Variants in CSMD1 observed in about 807,000 individuals in gnomAD.
CSMD1 encodes the protein CUB and sushi domain-containing protein 1.
Under a neutral mutation model 417.5 loss-of-function variants are expected in CSMD1, and 213 were observed. That is an observed-to-expected ratio of 0.51 (90% confidence interval 0.46 to 0.57). CSMD1 has a LOEUF of 0.57. Among genes scored for constraint, CSMD1 ranks in the 20% least tolerant of loss-of-function variants. CSMD1 has a pLI of 0.00. For missense variants in CSMD1, 6,923 were observed against 4,529.7 expected, an observed-to-expected ratio of 1.53 and a Z score of -15.17; for synonymous variants, 2,862 against 1,736.8, an observed-to-expected ratio of 1.65 and a Z score of -16.11.
chr8:3,717,507 G>A (rs1261263249), intron 6 of CSMD1, among the ~76,000 whole-genome samples: 3 of 152,110 alleles, frequency 2.0e-5, no homozygotes, highest in Non-Finnish European at 2.9e-5. Flanking sequence ...GCTAAAAACA[G>A]GGTCCTTGTC....
intron 3 of CSMD1, among the ~76,000 whole-genome samples, chr8:4,248,753 T>G (rs1432013615): frequency 6.6e-6 from 1 of 152,136 alleles, no homozygotes; most frequent in African/African-American, 2.4e-5. Context: ...TACATTACAC[T>G]TATTAAGCGC....
chr8:4,965,536 C>T (rs1156597980), intron 1 of CSMD1, among the ~76,000 whole-genome samples: 1 of 152,184 alleles, frequency 6.6e-6, no homozygotes, highest in Non-Finnish European at 1.5e-5. Context: ...TGGCCCTGGC[C>T]AAACTGTTTA....
chr8:3,342,851 G>T (rs1298251929), intron 23 of CSMD1, among the ~76,000 whole-genome samples: 1 of 140,326 alleles, frequency 7.1e-6, no homozygotes, highest in Non-Finnish European at 1.6e-5. Flanking sequence ...TGTTGTGTGT[G>T]TGTGTGCTTA....
intron 9 of CSMD1, among the ~76,000 whole-genome samples, chr8:3,582,550 T>C (rs1459933535): frequency 6.6e-6 from 1 of 152,114 alleles, no homozygotes; most frequent in Non-Finnish European, 1.5e-5. Flanking sequence ...AGGAAGAAAA[T>C]CATAACTGTA....
intron 3 of CSMD1, among the ~76,000 whole-genome samples, chr8:4,357,627 A>G (rs7006510): frequency 0.029 from 4,415 of 152,268 alleles, 220 homozygotes; most frequent in African/African-American, 0.1. Flanking sequence ...ATGCTTAAAT[A>G]AATACAATAT....
intron 3 of CSMD1, among the ~76,000 whole-genome samples, chr8:4,196,163 A>G (rs903277240): frequency 1.3e-5 from 2 of 152,166 alleles, no homozygotes; most frequent in African/African-American, 2.4e-5. Flanking sequence ...GGGAGCCGAG[A>G]TCGCGCCACT....
At chr8:4,390,500 T>TTTTATTTATTTA (rs1554457295) in intron 3 of CSMD1, among the ~76,000 whole-genome samples, 2 of 61,490 alleles carry the variant, frequency 3.3e-5, no homozygotes, top group African/African-American at 1.8e-4. Context: ...CGTCCATTTT[T>TTTTATTTATTTA]ATTTATTTAT....
chr8:3,846,205 A>G (rs1803492113), intron 5 of CSMD1, among the ~76,000 whole-genome samples: 1 of 152,206 alleles, frequency 6.6e-6, no homozygotes, highest in African/African-American at 2.4e-5. Context: ...ATAACACACT[A>G]TACGTTTGTT....
At chr8:4,885,849 G>T (rs1230476671) in intron 1 of CSMD1, among the ~76,000 whole-genome samples, 1 of 151,786 alleles carries the variant, frequency 6.6e-6, no homozygotes, top group Admixed American at 6.6e-5. Context: ...TTGTGTTTTT[G>T]CTCTTATCTG....
intron 10 of CSMD1, among the ~76,000 whole-genome samples, chr8:3,552,826 ATAATT>A (rs1367317185): frequency 6.6e-6 from 1 of 152,170 alleles, no homozygotes; most frequent in African/African-American, 2.4e-5. Context: ...TTAAAATTGT[ATAATT>A]TATATTCTTT....
intron 11 of CSMD1, among the ~76,000 whole-genome samples, chr8:3,483,761 T>C (rs572654951): frequency 3.9e-5 from 6 of 152,120 alleles, no homozygotes; most frequent in African/African-American, 1.4e-4. Context: ...GAAAACTGAA[T>C]GCAACAATGT....
At chr8:3,064,947 A>G (rs1473324480) in intron 49 of CSMD1, among the ~76,000 whole-genome samples, 1 of 152,154 alleles carries the variant, frequency 6.6e-6, no homozygotes, top group Non-Finnish European at 1.5e-5. Context: ...AAATTAGAGA[A>G]CAAAACTTTG....
At chr8:4,229,255 G>T (rs909110378) in intron 3 of CSMD1, among the ~76,000 whole-genome samples, 3 of 152,156 alleles carry the variant, frequency 2.0e-5, no homozygotes, top group Non-Finnish European at 4.4e-5. Flanking sequence ...AAAAGACGCT[G>T]AGATGCTGAG....
At chr8:4,458,818 A>G (rs1799640139) in intron 2 of CSMD1, among the ~76,000 whole-genome samples, 1 of 152,206 alleles carries the variant, frequency 6.6e-6, no homozygotes, top group African/African-American at 2.4e-5. Context: ...CTTTTCAATT[A>G]GATCCAAAGA....
intron 5 of CSMD1, among the ~76,000 whole-genome samples, chr8:3,921,258 T>A (rs983179145): frequency 6.6e-6 from 1 of 152,154 alleles, no homozygotes; most frequent in Admixed American, 6.6e-5. Flanking sequence ...ATACCTGTTG[T>A]AGTATCACCT....
At position 4,899,871 on chromosome 8, in the gene CSMD1, A is replaced by T. The variant is rs924891170; in HGVS notation, c.85+94461T>A. Among the ~76,000 whole-genome samples, 2 of 152,196 alleles carry T rather than the reference A, an allele frequency of 1.3e-5. 1 individual carries two copies. Among genetic ancestry groups the T allele is most frequent in the Admixed American group, 1.3e-4 (2 of 15,282 alleles). On this transcript the variant is annotated intron_variant, in intron 1 of 69. Transcript: ENST00000635120. ...TAGCTTTTTCTCTGGTGTCAGACAT[A>T]CCTGGGGACAAGCCTTTCAGCTGCT...
chr8:4,704,132 G>A (rs1807764753), intron 1 of CSMD1, among the ~76,000 whole-genome samples: 1 of 152,124 alleles, frequency 6.6e-6, no homozygotes, highest in African/African-American at 2.4e-5. Context: ...AAGGCAGGTG[G>A]GGACCCGTGA....
chr8:4,396,616 T>TAC (rs143703195), intron 3 of CSMD1, among the ~76,000 whole-genome samples: 46,828 of 148,506 alleles, frequency 0.32, 7,269 homozygotes, highest in East Asian at 0.44. Flanking sequence ...GAAAATGTGA[T>TAC]ACACACACAC....
chr8:3,527,565 G>A (rs1797805229), intron 10 of CSMD1, among the ~76,000 whole-genome samples: 2 of 152,070 alleles, frequency 1.3e-5, no homozygotes, highest in Non-Finnish European at 2.9e-5. Flanking sequence ...TGATACCTGT[G>A]ATAAAATCGC....
Sources: gnomAD v4.1 joint callset for allele counts (sites outside exome capture counted in the v4.1 genomes callset) on GRCh38, gnomAD v4.1.1 for gene constraint, MANE v1.5 for transcripts, NCBI Gene and HGNC (gene_info 2026-07-23, HGNC 2026-07-21) for gene names.